Variants in NETO2 observed in about 807,000 individuals in gnomAD.
The protein encoded by NETO2 is neuropilin and tolloid-like protein 2.
NETO2 carries 28 observed loss-of-function variants against 62.5 expected under a neutral mutation model. The observed-to-expected ratio is 0.45, with a 90% CI of 0.33 to 0.61. The LOEUF (loss-of-function observed/expected upper bound fraction) is 0.61. Ranked by LOEUF, NETO2 falls within the 20% of genes least tolerant of loss-of-function variation. The pLI is 0.02. For synonymous variants in NETO2, 214 were observed against 219.1 expected, an observed-to-expected ratio of 0.98 and a Z score of 0.21; for missense variants, 548 against 643.2, an observed-to-expected ratio of 0.85 and a Z score of 1.60.
chr16:47,129,385 A>G lies in NETO2; in HGVS notation c.92-21T>C, dbSNP rs767074619. The G allele has an allele frequency of 3.1e-6, 5 of 1,611,606 alleles. No individual in the cohort carries two copies. In the South Asian group the frequency reaches 5.5e-5, roughly 18 times the overall value. ...TCCATCTTAGGGAAAAACGGCATTT[A>G]AAACACTCATTACAGCAAAAGAGAA... On this transcript the variant is annotated intron_variant, in intron 2 of 8. Coordinates refer to ENST00000562435, the MANE Select transcript of NETO2 (RefSeq NM_018092.5).
intron 7 of NETO2, among the ~76,000 whole-genome samples, chr16:47,097,573 G>A (rs1225614038): frequency 6.6e-6 from 1 of 152,232 alleles, no homozygotes; most frequent in Non-Finnish European, 1.5e-5. Flanking sequence ...AGCACCTGGG[G>A]GAAGGGGCCG....
Position 47,109,583 on chromosome 16 carries a change from A to C in NETO2, c.783T>G (p.Asn261Lys), listed in dbSNP as rs150939323. ...CAATTCCTGTTTTAAGCATTACATC[A>C]TTGGCCACAGTGCTGCAAAACTTGG... is the stretch of plus-strand genomic sequence containing the variant. ...LKAKFCSTVA[N>K]DVMLKTGIGV... The change falls in exon 7 of 9, where the codon AAT becomes AAG. Residue 261 changes from asparagine to lysine, a missense_variant. Coordinates refer to ENST00000562435, the MANE Select transcript of NETO2 (RefSeq NM_018092.5). The C allele has an allele frequency of 1.0e-4, 168 of 1,614,144 alleles. 3 individuals carry two copies. The African/African-American group carries it at 2.1e-3, about 20-fold the overall frequency.
intron 7 of NETO2, among the ~76,000 whole-genome samples, chr16:47,092,212 A>T (rs931106865): frequency 6.6e-6 from 1 of 152,032 alleles, no homozygotes; most frequent in African/African-American, 2.4e-5. Flanking sequence ...AAAGGACGCG[A>T]TATGTGGACC....
chr16:47,125,872 A>T (rs1323111874), intron 4 of NETO2, among the ~76,000 whole-genome samples: 1 of 152,198 alleles, frequency 6.6e-6, no homozygotes, highest in East Asian at 1.9e-4. Context: ...TTTTAAGTTT[A>T]CAATTCAGTG....
At chr16:47,104,779 G>A (rs1327247345) in intron 7 of NETO2, among the ~76,000 whole-genome samples, 1 of 152,126 alleles carries the variant, frequency 6.6e-6, no homozygotes, top group Non-Finnish European at 1.5e-5. Context: ...GAGTGCAGTG[G>A]CACGATCTCG....
chr16:47,123,454 A>G (rs1964084698), intron 4 of NETO2, among the ~76,000 whole-genome samples: 1 of 152,142 alleles, frequency 6.6e-6, no homozygotes. Context: ...TGCAGACAGC[A>G]GAGACAGCAC....
chr16:47,114,039 A>G (rs1963857144), intron 6 of NETO2, among the ~76,000 whole-genome samples: 1 of 152,144 alleles, frequency 6.6e-6, no homozygotes, highest in African/African-American at 2.4e-5. Context: ...GAGACGGCTG[A>G]GTCACACAGT....
At chr16:47,096,488 A>G (rs925846444) in intron 7 of NETO2, among the ~76,000 whole-genome samples, 2 of 152,336 alleles carry the variant, frequency 1.3e-5, no homozygotes, top group African/African-American at 4.8e-5. Flanking sequence ...ACGTATATAA[A>G]AAGAATCATA....
At chr16:47,110,883 A>AT (rs1963784217) in intron 6 of NETO2, among the ~76,000 whole-genome samples, 1 of 152,114 alleles carries the variant, frequency 6.6e-6, no homozygotes, top group African/African-American at 2.4e-5. Flanking sequence ...AAAGAATTAC[A>AT]TTTTGACTAA....
Position 47,083,265 on chromosome 16 carries a change from C to T in NETO2, c.1534G>A (p.Gly512Arg), listed in dbSNP as rs781018489. 6.2e-7 allele frequency: 1 copy of T among 1,613,832 alleles called. No homozygotes were observed. Among genetic ancestry groups the T allele is most frequent in the East Asian group, 2.2e-5 (1 of 44,886 alleles). The change falls in exon 9 of 9, where the codon GGG becomes AGG. Residue 512 changes from glycine (G) to arginine (R), a missense_variant. Transcript: ENST00000562435. ...EEIPCEIYVR[G>R]REDSAQASIS... ...GATGCTTGTGCAGAATCTTCTCGCC[C>T]CCTGACATAAATTTCACAGGGAATC...
At chr16:47,090,656 G>A (rs889083292) in intron 7 of NETO2, among the ~76,000 whole-genome samples, 1 of 152,178 alleles carries the variant, frequency 6.6e-6, no homozygotes, top group African/African-American at 2.4e-5. Flanking sequence ...AGCAAAGCCT[G>A]CAGGGGGCCT....
chr16:47,109,580 A>G lies in NETO2; in HGVS notation c.786T>C (p.Asp262=). Residue 262 remains aspartate, a synonymous_variant, in exon 7 of 9, where the codon GAT becomes GAC. Coordinates refer to ENST00000562435, the MANE Select transcript of NETO2 (RefSeq NM_018092.5). ...CTCCAATTCCTGTTTTAAGCATTAC[A>G]TCATTGGCCACAGTGCTGCAAAACT... ...KAKFCSTVAN[D]VMLKTGIGVI... is the part of the protein sequence containing the mutation. 1 of 1,614,030 alleles carries G rather than the reference A, an allele frequency of 6.2e-7. No individual in the cohort carries two copies. The highest frequency in any genetic ancestry group is 1.1e-5 in the South Asian group (1 of 91,088).
At chr16:47,089,613 T>A (rs943382328) in intron 7 of NETO2, among the ~76,000 whole-genome samples, 1 of 152,236 alleles carries the variant, frequency 6.6e-6, no homozygotes, top group African/African-American at 2.4e-5. Flanking sequence ...GGTTCTTAGA[T>A]AACATTGATG....
chr16:47,087,032 ATTT>A (rs11359187), intron 7 of NETO2, among the ~76,000 whole-genome samples: 12 of 143,580 alleles, frequency 8.4e-5, no homozygotes, highest in South Asian at 2.2e-4. Context: ...TTATAATTAA[ATTT>A]TTTTTTTTTT....
At chr16:47,086,599 G>A (rs143465741) in intron 7 of NETO2, among the ~76,000 whole-genome samples, 1 of 152,264 alleles carries the variant, frequency 6.6e-6, no homozygotes, top group East Asian at 1.9e-4. Flanking sequence ...TATGGAACCA[G>A]TATACAGTCT....
chr16:47,107,175 C>T (rs1963694354), intron 7 of NETO2, among the ~76,000 whole-genome samples: 1 of 152,204 alleles, frequency 6.6e-6, no homozygotes, highest in Non-Finnish European at 1.5e-5. Context: ...ACAGATGTAT[C>T]TGCTCATTTG....
chr16:47,110,294 G>A (rs761105246), intron 6 of NETO2, among the ~76,000 whole-genome samples: 2 of 152,092 alleles, frequency 1.3e-5, no homozygotes, highest in Non-Finnish European at 2.9e-5. Flanking sequence ...TGCATTTTCA[G>A]ACAGGCAGAC....
chr16:47,132,146 T>C lies in NETO2; in HGVS notation c.35-121A>G. 4.0e-6 allele frequency: 3 copies of C among 754,860 alleles called. No individual in the cohort carries two copies. The Admixed American group carries it at 6.6e-5, about 17-fold the overall frequency. The allele number at this position is 754,860 out of a possible 1,614,324, so 46.8% of individuals were successfully genotyped here. A position where few individuals can be genotyped will look rare whatever the true frequency, so the allele number is the denominator to read the frequency against. ...TAAAATCACTATTTATTACTCAAAATTCACTCTCAAGATCTTTAAGCATTA... is the reference window on the plus strand; with the variant it reads ...TAAAATCACTATTTATTACTCAAAACTCACTCTCAAGATCTTTAAGCATTA... On this transcript the variant is annotated intron_variant, in intron 1 of 8. Coordinates refer to ENST00000562435, the MANE Select transcript of NETO2 (RefSeq NM_018092.5).
Position 47,077,895 on chromosome 16 carries a change from T to TCC in NETO2, c.*5324_*5325dup, listed in dbSNP as rs746393274. ...CAGAGGAGTTTCTGCCTTCTTTTGC[T>TCC]CCCCACTCCGTGTTCACCTGTCTTG... is the stretch of plus-strand genomic sequence containing the variant. On this transcript the variant is annotated 3_prime_UTR_variant, in exon 9 of 9. Coordinates refer to ENST00000562435, the MANE Select transcript of NETO2 (RefSeq NM_018092.5). 1.3e-5 allele frequency: 2 copies of TCC among 152,180 alleles called. No individual in the cohort carries two copies. The highest frequency in any genetic ancestry group is 2.9e-5 in the Non-Finnish European group (2 of 68,086). The allele number at this position is 152,180 out of a possible 1,614,324, so 9.4% of individuals were successfully genotyped here.
Sources: allele counts gnomAD v4.1 joint callset (sites outside exome capture counted in the v4.1 genomes callset), GRCh38; gene constraint gnomAD v4.1.1; transcripts MANE v1.5; gene names NCBI Gene and HGNC (gene_info 2026-07-23, HGNC 2026-07-21).